ALG1: variants seen among roughly 807,000 people sequenced by gnomAD.
ALG1 encodes the protein ALG1 chitobiosyldiphosphodolichol beta-mannosyltransferase, also known as chitobiosyldiphosphodolichol beta-mannosyltransferase.
A neutral mutation model predicts 55.1 loss-of-function variants in ALG1; 58 were observed. The observed-to-expected ratio is 1.05, with a 90% CI of 0.85 to 1.31. ALG1 has a LOEUF of 1.31. Among genes scored for constraint, ALG1 ranks in the 50% most tolerant of loss-of-function variants. The pLI is 0.00. For synonymous variants in ALG1, 309 were observed against 247.0 expected (o/e 1.25, Z -2.35); for missense variants, 761 against 598.6 (o/e 1.27, Z -2.83).
At chr16:5,077,876 T>C (rs1212575040) in intron 5 of ALG1, 31 bp from the exon 6 acceptor site, 1 of 1,603,150 alleles carries the variant, frequency 6.2e-7, no homozygotes, top group Non-Finnish European at 8.5e-7. Context: ...TCTTCAGCCC[T>C]CCCAATAGCC....
At position 5,073,265 on chromosome 16, in the gene ALG1, C is replaced by G; in HGVS notation, c.390+9C>G. ...CCTATATCTTTCTCCAGGTGTGTAT[C>G]AGCCTCTGCCTCCCTCTGTGAGAGC... On this transcript the variant is annotated intron_variant, in intron 3 of 12. Transcript: ENST00000262374. The G allele has an allele frequency of 1.2e-6, 2 of 1,611,746 alleles. No homozygotes were observed. The highest frequency in any genetic ancestry group is 1.7e-6 in the Non-Finnish European group (2 of 1,178,008).
At position 5,085,878 on chromosome 16, in the gene ALG1, G is replaced by T; in HGVS notation, c.*997G>T. ...GTTCACAGGTTCCCAGGCCCACCCA[G>T]GTGCCTAGAATTGGCCTCCAGGATG... On this transcript the variant is annotated 3_prime_UTR_variant, in exon 13 of 13. Coordinates refer to ENST00000262374, the MANE Select transcript of ALG1 (RefSeq NM_019109.5). 1.4e-6 allele frequency: 1 copy of T among 706,870 alleles called. No individual in the cohort carries two copies. The highest frequency in any genetic ancestry group is 2.6e-6 in the Non-Finnish European group (1 of 385,058). The allele number at this position is 706,870 out of a possible 1,614,324, so 43.8% of individuals were successfully genotyped here. A position where few individuals can be genotyped will look rare whatever the true frequency, so the allele number is the denominator to read the frequency against.
chr16:5,079,547 G>A lies in ALG1; in HGVS notation c.902-201G>A, dbSNP rs751934917. Among the ~76,000 whole-genome samples, 11 of 152,288 alleles carry A rather than the reference G, an allele frequency of 7.2e-5. No individual in the cohort carries two copies. In the Middle Eastern group the frequency reaches 0.02, roughly 283 times the overall value. ...CTACTAAAAATACAAAAATTAGCTAGGTATGGTGGTGGGCGCCTGTCATCC... is the reference window on the plus strand; with the variant it reads ...CTACTAAAAATACAAAAATTAGCTAAGTATGGTGGTGGGCGCCTGTCATCC... On this transcript the variant is annotated intron_variant, in intron 8 of 12. Transcript: ENST00000262374.
rs398124347 is a variant in ALG1, at chr16:5,081,021, C to G, written c.1037C>G (p.Pro346Arg). ...TTCCAGCACATCCAGGTCTGCACCC[C>G]CTGGCTGGAGGCCGAGGACTACCCC... ...KHFQHIQVCT[P>R]WLEAEDYPLL... The change falls in exon 10 of 13, where the codon CCC becomes CGC. Residue 346 changes from proline to arginine, a missense_variant. By Grantham distance (103) the Pro-to-Arg change is moderately radical. Coordinates refer to ENST00000262374, the MANE Select transcript of ALG1 (RefSeq NM_019109.5). 17 of 1,596,240 alleles carry G rather than the reference C, an allele frequency of 1.1e-5. No individual in the cohort carries two copies. Among genetic ancestry groups the G allele is most frequent in the Admixed American group, 6.7e-5 (4 of 59,984 alleles).
intron 3 of ALG1, among the ~76,000 whole-genome samples, chr16:5,074,757 C>A (rs575664871): frequency 3.9e-5 from 6 of 152,212 alleles, no homozygotes; most frequent in Non-Finnish European, 8.8e-5. Context: ...TCTTCTCCCC[C>A]ATGCTTACCA....
rs1956968467 is a variant in ALG1, at chr16:5,079,059, C to T, written c.863-5C>T. 6.2e-7 allele frequency: 1 copy of T among 1,601,100 alleles called. No individual in the cohort carries two copies. Reference sequence around the variant, plus strand: ...GGCCCCTGACATTCAATTCTCTTCTCATAGAGGACGAAGACTTCTCCATCC... The same window carrying T: ...GGCCCCTGACATTCAATTCTCTTCTTATAGAGGACGAAGACTTCTCCATCC... On this transcript the variant is annotated splice_region_variant and splice_polypyrimidine_tract_variant and intron_variant, in intron 7 of 12. Transcript: ENST00000262374.
rs1436004426 is a variant in ALG1, at chr16:5,081,069, C to T, written c.1072+13C>T. On this transcript the variant is annotated intron_variant, in intron 10 of 12. Transcript: ENST00000262374. ...CCCCTGCTTCTAGGTGAGAGGCCAG[C>T]AGGAGGCTCAGGGAGGAGGCGGGGG... 6 of 1,586,196 alleles carry T rather than the reference C, an allele frequency of 3.8e-6. No homozygotes were observed. The highest frequency in any genetic ancestry group is 3.4e-5 in the Admixed American group (2 of 59,430).
rs1374000335 is a variant in ALG1 at position 5,072,942 on chromosome 16, AT to A, written c.209-4del. ...CTGGTACATTAAAGGGATCATTCTC[AT>A]TTTTCAGACTCCAAACCCCATGATG... On this transcript the variant is annotated splice_polypyrimidine_tract_variant and splice_region_variant and intron_variant, in intron 1 of 12. Coordinates refer to ENST00000262374, the MANE Select transcript of ALG1 (RefSeq NM_019109.5). 1 of 1,613,742 alleles carries A rather than the reference AT, an allele frequency of 6.2e-7. No individual in the cohort carries two copies. The highest frequency in any genetic ancestry group is 1.1e-5 in the South Asian group (1 of 91,062).
At position 5,078,844 on chromosome 16, in the gene ALG1, G is replaced by A. The variant is rs2142716095; in HGVS notation, c.828G>A (p.Arg276=). The A allele has an allele frequency of 6.2e-7, 1 of 1,611,900 alleles. No individual in the cohort carries two copies. The highest frequency in any genetic ancestry group is 1.3e-5 in the African/African-American group (1 of 74,998). ...GGCTGGTGACGCGTCTCCGTGAGCG[G>A]CCAGCCCTGCTGGTCAGCAGCACGA... ...GSGLVTRLRE[R]PALLVSSTSW... is the part of the protein sequence containing the mutation. Residue 276 remains arginine (R), a synonymous_variant, in exon 7 of 13, where the codon CGG becomes CGA. Coordinates refer to ENST00000262374, the MANE Select transcript of ALG1 (RefSeq NM_019109.5).
In ALG1 at chr16:5,075,384, C is replaced by A. The variant is rs1294849832; in HGVS notation, c.391-4C>A. On this transcript the variant is annotated splice_polypyrimidine_tract_variant and splice_region_variant and intron_variant, in intron 3 of 12. Coordinates refer to ENST00000262374, the MANE Select transcript of ALG1 (RefSeq NM_019109.5). Reference sequence around the variant, plus strand: ...CCTCCCCTTCAAGTCTCTATCTTTCCTAGAACCCCCCAGGTCTGCCTAGCA... The same window carrying A: ...CCTCCCCTTCAAGTCTCTATCTTTCATAGAACCCCCCAGGTCTGCCTAGCA... 5 of 1,614,078 alleles carry A rather than the reference C, an allele frequency of 3.1e-6. No homozygotes were observed. In the African/African-American group the frequency reaches 5.3e-5, roughly 17 times the overall value.
At chr16:5,078,718 C>G in intron 6 of ALG1, 39 bp from the exon 7 acceptor site, 1 of 1,612,164 alleles carries the variant, frequency 6.2e-7, no homozygotes. Flanking sequence ...CCCGGGCCTG[C>G]TCTATGGCCT....
rs574420062 is a variant in ALG1, at chr16:5,084,855, G to A, written c.1369G>A (p.Val457Met). 9 of 1,596,438 alleles carry A rather than the reference G, an allele frequency of 5.6e-6. No individual in the cohort carries two copies. In the African/African-American group the frequency reaches 1.1e-4, roughly 19 times the overall value. ...ATGGGATGAGAGCTGGGTGCAGACT[G>A]TGCTCCCTTTGGTTATGGACACATA... Reference protein sequence around the residue: ...LRWDESWVQTVLPLVMDT With the variant: ...LRWDESWVQTMLPLVMDT The change falls in exon 13 of 13, where the codon GTG becomes ATG. Residue 457 changes from valine (V) to methionine (M), a missense_variant. Coordinates refer to ENST00000262374, the MANE Select transcript of ALG1 (RefSeq NM_019109.5).
chr16:5,072,350 C>A, intron 1 of ALG1: 1 of 1,084,774 alleles, frequency 9.2e-7, no homozygotes, highest in Non-Finnish European at 1.3e-6. Flanking sequence ...GTGCTGGTAG[C>A]TACGTCCCTG....
At position 5,072,049 on chromosome 16, in the gene ALG1, G is replaced by A. The variant is rs778626972; in HGVS notation, c.200G>A (p.Gly67Glu). The change falls in exon 1 of 13, where the codon GGG becomes GAG. Residue 67 changes from glycine to glutamate, a missense_variant. By Grantham distance (98) the Gly-to-Glu change is moderately conservative. Coordinates refer to ENST00000262374, the MANE Select transcript of ALG1 (RefSeq NM_019109.5). ...AMHGFSVTLL[G>E]FCNSKPHDEL... ...CACGGCTTCTCGGTGACCCTCCTGG[G>A]GTTCTGCAGTGAGTGGCCAAGGGTC... 1 of 1,578,110 alleles carries A rather than the reference G, an allele frequency of 6.3e-7. No homozygotes were observed. The highest frequency in any genetic ancestry group is 8.6e-7 in the Non-Finnish European group (1 of 1,162,524).
intron 12 of ALG1, among the ~76,000 whole-genome samples, chr16:5,084,039 G>T (rs558104981): frequency 6.6e-6 from 1 of 152,322 alleles, no homozygotes; most frequent in South Asian, 2.1e-4. Context: ...TGCGGTTGAG[G>T]AAGTGATCAG....
Position 5,085,568 on chromosome 16 carries a change from T to C in ALG1, c.*687T>C, listed in dbSNP as rs1466965729. ...AATGAAAGTTTTATCCGCTTTCCCATATAAAAATTCTTCCCATGAGAGTGA... is the reference window on the plus strand; with the variant it reads ...AATGAAAGTTTTATCCGCTTTCCCACATAAAAATTCTTCCCATGAGAGTGA... On this transcript the variant is annotated 3_prime_UTR_variant, in exon 13 of 13. Transcript: ENST00000262374. The C allele has an allele frequency of 6.8e-6, 8 of 1,169,050 alleles. No individual in the cohort carries two copies. In the Admixed American group the frequency reaches 1.2e-4, roughly 17 times the overall value. 72.4% of individuals were successfully genotyped at this position (1,169,050 alleles called of 1,614,324 possible). A position where few individuals can be genotyped will look rare whatever the true frequency, so the allele number is the denominator to read the frequency against.
At chr16:5,072,199 C>G (rs1020856571) in intron 1 of ALG1, 142 bp downstream of exon 1, 3 of 1,536,302 alleles carry the variant, frequency 2.0e-6, no homozygotes, top group Non-Finnish European at 2.6e-6. Flanking sequence ...GCGGTTCTGC[C>G]CCAGCCTTTC....
At chr16:5,080,031 T>C (rs1956988883) in intron 9 of ALG1, among the ~76,000 whole-genome samples, 2 of 151,748 alleles carry the variant, frequency 1.3e-5, no homozygotes, top group Non-Finnish European at 2.9e-5. Flanking sequence ...TTTTCAGTAG[T>C]TTCCAAGCAT....
At position 5,072,025 on chromosome 16, in the gene ALG1, A is replaced by G. The variant is rs773372110; in HGVS notation, c.176A>G (p.His59Arg). ...MQYHALSLAM[H>R]GFSVTLLGFC... ...TACCACGCGCTGTCGTTGGCCATGC[A>G]CGGCTTCTCGGTGACCCTCCTGGGG... is the stretch of plus-strand genomic sequence containing the variant. The change falls in exon 1 of 13, where the codon CAC (histidine) becomes CGC (arginine). Residue 59 changes from histidine to arginine, a missense_variant. By Grantham distance (29) the His-to-Arg change is conservative. Transcript: ENST00000262374. 190 of 1,595,252 alleles carry G rather than the reference A, an allele frequency of 1.2e-4. No individual in the cohort carries two copies. Among genetic ancestry groups the G allele is most frequent in the Non-Finnish European group, 1.6e-4 (187 of 1,170,766 alleles).
Sources: allele counts gnomAD v4.1 joint callset (sites outside exome capture counted in the v4.1 genomes callset), GRCh38; gene constraint gnomAD v4.1.1; transcripts MANE v1.5; gene names NCBI Gene and HGNC (gene_info 2026-07-23, HGNC 2026-07-21).